RAB11FIP4: variants seen among roughly 807,000 people sequenced by gnomAD.
RAB11FIP4 encodes RAB11 family interacting protein 4.
Under a neutral mutation model 74.3 loss-of-function variants are expected in RAB11FIP4, and 23 were observed. The ratio of observed to expected loss-of-function variants is 0.31; its 90% CI spans 0.22 to 0.44. The LOEUF (loss-of-function observed/expected upper bound fraction) is 0.44. Among genes scored for constraint, RAB11FIP4 ranks in the 20% least tolerant of loss-of-function variants. The probability of loss-of-function intolerance (pLI) is 1.00; values close to 1 mark genes in which losing one functional copy is unlikely to be tolerated. For synonymous variants in RAB11FIP4, 360 were observed against 359.9 expected, an observed-to-expected ratio of 1.00 and a Z score of 0.00; for missense variants, 630 against 863.9, an observed-to-expected ratio of 0.73 and a Z score of 3.39.
At chr17:31,430,335 C>T (rs988898395) in intron 1 of RAB11FIP4, among the ~76,000 whole-genome samples, 6 of 147,852 alleles carry the variant, frequency 4.1e-5, no homozygotes, top group Non-Finnish European at 5.9e-5. Flanking sequence ...CCTTGTGGGC[C>T]GTGTTGTGGA....
chr17:31,428,381 T>C (rs2071273939), intron 1 of RAB11FIP4, among the ~76,000 whole-genome samples: 1 of 152,140 alleles, frequency 6.6e-6, no homozygotes, highest in African/African-American at 2.4e-5. Flanking sequence ...CTGCCTGTGA[T>C]GGCGTGAACA....
intron 1 of RAB11FIP4, among the ~76,000 whole-genome samples, chr17:31,415,645 C>A (rs774565431): frequency 1.3e-5 from 2 of 152,112 alleles, no homozygotes; most frequent in African/African-American, 2.4e-5. Context: ...CTGTCATTGT[C>A]CAGATGGGGA....
chr17:31,502,228 A>AG (rs2072235923), intron 3 of RAB11FIP4, among the ~76,000 whole-genome samples: 1 of 151,736 alleles, frequency 6.6e-6, no homozygotes. Flanking sequence ...TGTCTCAAAA[A>AG]AAAAAAAAAT....
At chr17:31,469,866 C>T (rs547928412) in intron 3 of RAB11FIP4, among the ~76,000 whole-genome samples, 3 of 152,338 alleles carry the variant, frequency 2.0e-5, no homozygotes, top group Non-Finnish European at 4.4e-5. Context: ...CAAATATTGT[C>T]TCCTCTGAGC....
intron 6 of RAB11FIP4, 114 bp from the exon 7 acceptor site, chr17:31,522,246 C>T (rs2072681256): frequency 7.6e-7 from 1 of 1,321,972 alleles, no homozygotes; most frequent in Non-Finnish European, 1.1e-6. Flanking sequence ...TAGTGAATTC[C>T]TTTCAGTGGG....
intron 1 of RAB11FIP4, among the ~76,000 whole-genome samples, chr17:31,400,318 A>T (rs1205721926): frequency 6.6e-6 from 1 of 152,212 alleles, no homozygotes; most frequent in Non-Finnish European, 1.5e-5. Context: ...TGCACCTTGC[A>T]TATGTCTTGG....
At chr17:31,467,963 G>C (rs1327745452) in intron 3 of RAB11FIP4, among the ~76,000 whole-genome samples, 3 of 152,232 alleles carry the variant, frequency 2.0e-5, no homozygotes, top group East Asian at 1.9e-4. Flanking sequence ...TGGTGTTCGA[G>C]ATGACTGGGC....
intron 3 of RAB11FIP4, among the ~76,000 whole-genome samples, chr17:31,475,198 T>G (rs1321953819): frequency 6.6e-6 from 1 of 151,996 alleles, no homozygotes; most frequent in Non-Finnish European, 1.5e-5. Context: ...CAGGTTGGTG[T>G]GTAGAGCTGG....
chr17:31,427,354 C>G (rs1047460340), intron 1 of RAB11FIP4, among the ~76,000 whole-genome samples: 10 of 152,182 alleles, frequency 6.6e-5, no homozygotes, highest in African/African-American at 2.4e-4. Context: ...TGGGGTGTGC[C>G]CCCGGTTGCA....
intron 1 of RAB11FIP4, among the ~76,000 whole-genome samples, chr17:31,416,385 TG>T (rs1330828376): frequency 5.9e-5 from 9 of 152,094 alleles, no homozygotes; most frequent in Non-Finnish European, 1.3e-4. Flanking sequence ...GGGCTCAGGG[TG>T]CAGGAACTGG....
chr17:31,405,105 C>T (rs538654187), intron 1 of RAB11FIP4, among the ~76,000 whole-genome samples: 8 of 152,140 alleles, frequency 5.3e-5, no homozygotes, highest in African/African-American at 1.4e-4. Context: ...CTAGAAGTAG[C>T]GTGGGTTGGG....
chr17:31,464,873 A>G (rs1182635176), intron 3 of RAB11FIP4, among the ~76,000 whole-genome samples: 1 of 142,920 alleles, frequency 7.0e-6, no homozygotes, highest in Non-Finnish European at 1.5e-5. Context: ...CAATAGTCCC[A>G]CCTCAGCCTT....
chr17:31,449,296 C>T (rs531098600), intron 3 of RAB11FIP4, among the ~76,000 whole-genome samples: 33 of 152,272 alleles, frequency 2.2e-4, no homozygotes, highest in African/African-American at 7.2e-4. Flanking sequence ...TCACAAACAG[C>T]CCCTCACCCA....
intron 3 of RAB11FIP4, among the ~76,000 whole-genome samples, chr17:31,489,975 G>A (rs2142750800): frequency 6.6e-6 from 1 of 152,290 alleles, no homozygotes; most frequent in South Asian, 2.1e-4. Flanking sequence ...CCTAAGGGAG[G>A]TCTGTAGGAG....
intron 3 of RAB11FIP4, among the ~76,000 whole-genome samples, chr17:31,443,484 G>A (rs981672217): frequency 5.3e-5 from 8 of 152,208 alleles, no homozygotes; most frequent in African/African-American, 1.9e-4. Flanking sequence ...TCGTAGAATT[G>A]ACTGATGTCT....
At position 31,527,914 on chromosome 17, in the gene RAB11FIP4, A is replaced by G. The variant is rs769162709; in HGVS notation, c.1347A>G (p.Lys449=). Reference sequence around the variant, plus strand: ...CTCGGCTCAAGTCTCAAACAGAGAAACTGGATGAGGTGAGCAGCAGATCCA... The same window carrying G: ...CTCGGCTCAAGTCTCAAACAGAGAAGCTGGATGAGGTGAGCAGCAGATCCA... ...TVTRLKSQTE[K]LDEERQRMSD... The change falls in exon 11 of 15, where the codon AAA becomes AAG. Residue 449 remains lysine (K), a synonymous_variant. Transcript: ENST00000621161. The G allele has an allele frequency of 1.3e-6, 2 of 1,597,672 alleles. No individual in the cohort carries two copies. Among genetic ancestry groups the G allele is most frequent in the South Asian group, 1.1e-5 (1 of 87,822 alleles).
At chr17:31,416,362 G>A (rs1219590303) in intron 1 of RAB11FIP4, among the ~76,000 whole-genome samples, 2 of 152,194 alleles carry the variant, frequency 1.3e-5, no homozygotes, top group Non-Finnish European at 2.9e-5. Context: ...AAGACAGTGG[G>A]ATGTTTTGGC....
chr17:31,485,824 G>T (rs1047771158), intron 3 of RAB11FIP4, among the ~76,000 whole-genome samples: 2 of 152,190 alleles, frequency 1.3e-5, no homozygotes, highest in African/African-American at 4.8e-5. Flanking sequence ...TCTTAGAGAA[G>T]TAACAGAACT....
chr17:31,424,908 C>G (rs1280176403), intron 1 of RAB11FIP4, among the ~76,000 whole-genome samples: 8 of 152,106 alleles, frequency 5.3e-5, no homozygotes, highest in Admixed American at 4.6e-4. Flanking sequence ...AATTCTTAAG[C>G]AAAAGTTGTC....
Sources: gnomAD v4.1 joint callset for allele counts (sites outside exome capture counted in the v4.1 genomes callset) on GRCh38, gnomAD v4.1.1 for gene constraint, MANE v1.5 for transcripts, NCBI Gene and HGNC (gene_info 2026-07-23, HGNC 2026-07-21) for gene names.